The following NELL1 variants were observed in gnomAD, a reference collection of about 807,000 sequenced individuals.
NELL1 encodes the protein neural EGFL like 1.
NELL1 carries 76 observed loss-of-function variants against 107.4 expected under a neutral mutation model. The ratio of observed to expected loss-of-function variants is 0.71; its 90% confidence interval spans 0.59 to 0.86. The LOEUF (loss-of-function observed/expected upper bound fraction) is 0.86, where lower values mean the gene tolerates loss of function less well. NELL1 is among the 40% of genes least tolerant of loss of function. The pLI is 0.00. For missense variants in NELL1, 1,024 were observed against 1,005.5 expected, an observed-to-expected ratio of 1.02 and a Z score of -0.25; for synonymous variants, 353 against 341.2, an observed-to-expected ratio of 1.03 and a Z score of -0.38.
chr11:20,887,367 G>A (rs7128766), intron 5 of NELL1, among the ~76,000 whole-genome samples: 23,352 of 152,096 alleles, frequency 0.15, 2,578 homozygotes, highest in African/African-American at 0.29. Context: ...TGTAGGTGTG[G>A]GCTTACTGGG....
At chr11:20,755,556 G>GTTTT (rs1188989442) in intron 2 of NELL1, among the ~76,000 whole-genome samples, 2 of 23,368 alleles carry the variant, frequency 8.6e-5, no homozygotes, top group African/African-American at 1.7e-4. Context: ...TTTTGTTTTT[G>GTTTT]TTTTTGTTTT....
At chr11:21,128,406 A>G (rs1415675714) in intron 13 of NELL1, among the ~76,000 whole-genome samples, 1 of 152,072 alleles carries the variant, frequency 6.6e-6, no homozygotes, top group African/African-American at 2.4e-5. Context: ...AGCAGACTAT[A>G]GGGAAAGTAT....
chr11:20,915,715 A>ATATATATATATATATATG (rs1160361165), intron 5 of NELL1, among the ~76,000 whole-genome samples: 1 of 58,948 alleles, frequency 1.7e-5, no homozygotes, highest in Non-Finnish European at 2.9e-5. Context: ...ATATATATAT[A>ATATATATATATATATATG]TATTTTTTTT....
chr11:20,710,721 T>G (rs1427083796), intron 2 of NELL1, among the ~76,000 whole-genome samples: 1 of 152,124 alleles, frequency 6.6e-6, no homozygotes, highest in African/African-American at 2.4e-5. Context: ...TTGCTACTTG[T>G]TATTGGTCTC....
intron 12 of NELL1, among the ~76,000 whole-genome samples, chr11:20,972,737 T>C (rs1851525837): frequency 7.5e-6 from 1 of 133,748 alleles, no homozygotes; most frequent in Non-Finnish European, 1.6e-5. Flanking sequence ...GGAAATGAAA[T>C]GTTGATGAGA....
chr11:20,988,446 T>C (rs146162877), intron 12 of NELL1, among the ~76,000 whole-genome samples: 16,013 of 133,910 alleles, frequency 0.12, 1,108 homozygotes, highest in East Asian at 0.27. Context: ...TATCTATATA[T>C]ACACATGTAC....
Position 20,976,317 on chromosome 11 carries a change from C to T in NELL1, c.1300+15757C>T, listed in dbSNP as rs142172487. Among the ~76,000 whole-genome samples the T allele has an allele frequency of 6.0e-3, 918 of 151,916 alleles. 4 individuals are homozygous for T. The highest frequency in any genetic ancestry group is 9.4e-3 in the Non-Finnish European group (641 of 67,972). On this transcript the variant is annotated intron_variant, in intron 12 of 19. Coordinates refer to ENST00000357134, the MANE Select transcript of NELL1 (RefSeq NM_006157.5). ...CAGTATAGACAATGAATGCCCATGA[C>T]GTGTAGTAATTGGCCAAAACACAAT...
chr11:21,015,351 T>G (rs1852540852), intron 12 of NELL1, among the ~76,000 whole-genome samples: 1 of 152,084 alleles, frequency 6.6e-6, no homozygotes. Context: ...ATTGCTGTGA[T>G]TACTTGATAC....
intron 15 of NELL1, among the ~76,000 whole-genome samples, chr11:21,479,876 G>A (rs537972767): frequency 6.8e-6 from 1 of 146,600 alleles, no homozygotes; most frequent in East Asian, 2.1e-4. Context: ...TCTCCTTCCG[G>A]TTTTGCACCA....
At chr11:21,517,604 T>C (rs1205579345) in intron 15 of NELL1, among the ~76,000 whole-genome samples, 1 of 152,158 alleles carries the variant, frequency 6.6e-6, no homozygotes, top group Non-Finnish European at 1.5e-5. Context: ...CCTCTATGAT[T>C]CAATGATTTC....
intron 12 of NELL1, among the ~76,000 whole-genome samples, chr11:21,035,370 C>T (rs1281662686): frequency 1.3e-5 from 2 of 151,660 alleles, no homozygotes; most frequent in East Asian, 3.9e-4. Context: ...CTCTAACATG[C>T]TATGAGGCCA....
At chr11:21,176,026 C>G (rs528943689) in intron 13 of NELL1, among the ~76,000 whole-genome samples, 1 of 151,736 alleles carries the variant, frequency 6.6e-6, no homozygotes, top group African/African-American at 2.4e-5. Flanking sequence ...CTTCTTTTCC[C>G]CTATTAGAAT....
chr11:20,812,340 A>G (rs1857518707), intron 3 of NELL1, among the ~76,000 whole-genome samples: 1 of 152,066 alleles, frequency 6.6e-6, no homozygotes, highest in African/African-American at 2.4e-5. Flanking sequence ...TCTCTTTGAC[A>G]GTATTTTGTT....
chr11:21,192,865 C>T (rs1456004528), intron 13 of NELL1, among the ~76,000 whole-genome samples: 1 of 151,872 alleles, frequency 6.6e-6, no homozygotes, highest in East Asian at 1.9e-4. Flanking sequence ...CTGGGGCAAA[C>T]TTACCACAAA....
chr11:20,871,493 A>C (rs1849196322), intron 4 of NELL1, among the ~76,000 whole-genome samples: 1 of 152,158 alleles, frequency 6.6e-6, no homozygotes, highest in African/African-American at 2.4e-5. Flanking sequence ...TATCTAATCT[A>C]TCTAATCTGT....
intron 7 of NELL1, among the ~76,000 whole-genome samples, chr11:20,925,715 T>C (rs1590423030): frequency 6.6e-6 from 1 of 152,302 alleles, no homozygotes; most frequent in East Asian, 1.9e-4. Flanking sequence ...GCATGGTGGT[T>C]GGTCTAAGAT....
At chr11:21,069,213 A>C (rs1853952614) in intron 12 of NELL1, among the ~76,000 whole-genome samples, 1 of 152,214 alleles carries the variant, frequency 6.6e-6, no homozygotes, top group South Asian at 2.1e-4. Context: ...CTGTGCAGCA[A>C]ACCACCAGGA....
intron 12 of NELL1, among the ~76,000 whole-genome samples, chr11:20,973,965 G>A (rs1851553330): frequency 6.6e-6 from 1 of 152,224 alleles, no homozygotes; most frequent in Non-Finnish European, 1.5e-5. Flanking sequence ...TTCACGTGTT[G>A]ATGCTTCCAG....
At chr11:21,342,576 C>T (rs117941802) in intron 14 of NELL1, among the ~76,000 whole-genome samples, 3,395 of 148,756 alleles carry the variant, frequency 0.023, 51 homozygotes, top group African/African-American at 0.031. Flanking sequence ...CCCAGGTAGT[C>T]GAGGCTGGAG....
Sources: gnomAD v4.1 joint callset for allele counts (sites outside exome capture counted in the v4.1 genomes callset) on GRCh38, gnomAD v4.1.1 for gene constraint, MANE v1.5 for transcripts, NCBI Gene and HGNC (gene_info 2026-07-23, HGNC 2026-07-21) for gene names.